MALRD1: variants seen among roughly 807,000 people sequenced by gnomAD.
MALRD1 encodes MAM and LDL receptor class A domain containing 1, also known as MAM and LDL-receptor class A domain-containing protein 1.
In MALRD1, 247 loss-of-function variants were observed where a neutral mutation model predicts 242.1. The ratio of observed to expected loss-of-function variants is 1.02; its 90% CI spans 0.92 to 1.13. The LOEUF (loss-of-function observed/expected upper bound fraction) is 1.13, where lower values mean the gene tolerates loss of function less well. Among genes scored for constraint, MALRD1 ranks in the 50% most tolerant of loss-of-function variants. MALRD1 has a pLI of 0.00. For synonymous variants in MALRD1, 995 were observed against 866.6 expected, an observed-to-expected ratio of 1.15 and a Z score of -2.60; for missense variants, 2,989 against 2,533.1, an observed-to-expected ratio of 1.18 and a Z score of -3.86.
chr10:19,281,624 A>C (rs928108027), intron 20 of MALRD1, among the ~76,000 whole-genome samples: 8 of 152,184 alleles, frequency 5.3e-5, no homozygotes, highest in Admixed American at 4.6e-4. Context: ...TAGTATGACA[A>C]ATCTGCTTGT....
intron 29 of MALRD1, among the ~76,000 whole-genome samples, chr10:19,464,531 G>A (rs973919549): frequency 3.3e-5 from 5 of 151,934 alleles, no homozygotes; most frequent in Admixed American, 1.3e-4. Flanking sequence ...AGTATTTGGG[G>A]TTTATTTATT....
At chr10:19,074,164 C>T (rs965567110) in intron 2 of MALRD1, among the ~76,000 whole-genome samples, 9 of 152,092 alleles carry the variant, frequency 5.9e-5, no homozygotes, top group African/African-American at 2.2e-4. Flanking sequence ...TGAACTGTTT[C>T]CTTGCCTTCT....
intron 31 of MALRD1, among the ~76,000 whole-genome samples, chr10:19,504,538 A>G (rs530907504): frequency 6.6e-6 from 1 of 152,076 alleles, no homozygotes; most frequent in Non-Finnish European, 1.5e-5. Flanking sequence ...TTATTCCTGG[A>G]CCCACTTTGA....
rs868405448 is a variant in MALRD1 at position 19,464,948 on chromosome 10, A to T, written c.5029+14458A>T. On this transcript the variant is annotated intron_variant, in intron 29 of 39. Coordinates refer to ENST00000454679, the MANE Select transcript of MALRD1 (RefSeq NM_001142308.3). ...ACCTCCTTGGTTAGGTATAATTCCA[A>T]TTTTTTTTTTTTTTTTTTTTGCAGC... Among the ~76,000 whole-genome samples the T allele has an allele frequency of 3.3e-4, 44 of 133,788 alleles. 1 individual carries two copies. Among genetic ancestry groups the T allele is most frequent in the African/African-American group, 1.0e-3 (36 of 34,702 alleles). 87.8% of individuals were successfully genotyped at this position (133,788 alleles called of 152,430 possible). A position where few individuals can be genotyped will look rare whatever the true frequency, so the allele number is the denominator to read the frequency against.
At chr10:19,631,149 T>G (rs933988846) in intron 36 of MALRD1, among the ~76,000 whole-genome samples, 4 of 152,134 alleles carry the variant, frequency 2.6e-5, no homozygotes, top group Admixed American at 6.6e-5. Flanking sequence ...CCTCCCAACC[T>G]GCACCTTCAA....
chr10:19,109,418 C>T (rs1836595500), intron 5 of MALRD1, among the ~76,000 whole-genome samples: 1 of 152,156 alleles, frequency 6.6e-6, no homozygotes, highest in Non-Finnish European at 1.5e-5. Flanking sequence ...ATGAGGACTG[C>T]TCTATCTCCG....
At position 19,052,003 on chromosome 10, in the gene MALRD1, A is replaced by AGTATTGTG. The variant is rs1834521445; in HGVS notation, c.199+2866_199+2867insGTATTGTG. 10 of 312,654 alleles carry AGTATTGTG rather than the reference A, an allele frequency of 3.2e-5. No homozygotes were observed. In the Admixed American group the frequency reaches 3.7e-4, roughly 11 times the overall value. 19.4% of individuals were successfully genotyped at this position (312,654 alleles called of 1,614,324 possible). A position where few individuals can be genotyped will look rare whatever the true frequency, so the allele number is the denominator to read the frequency against. Reference sequence around the variant, plus strand: ...ATAGAATGTGGACCTAAATACTCAGAAGCACCGCCCATTGTGAGATTTGTA... The same window carrying AGTATTGTG: ...ATAGAATGTGGACCTAAATACTCAGAGTATTGTGAGCACCGCCCATTGTGAGATTTGTA... On this transcript the variant is annotated intron_variant, in intron 1 of 39. Coordinates refer to ENST00000454679, the MANE Select transcript of MALRD1 (RefSeq NM_001142308.3).
intron 38 of MALRD1, among the ~76,000 whole-genome samples, chr10:19,721,066 G>A (rs1204812279): frequency 6.6e-6 from 1 of 151,616 alleles, no homozygotes; most frequent in Non-Finnish European, 1.5e-5. Flanking sequence ...TTTAGGATGA[G>A]ATGAAGTTAA....
chr10:19,543,451 T>TTTTTTTTTA (rs1554796763), intron 32 of MALRD1, among the ~76,000 whole-genome samples: 1 of 143,722 alleles, frequency 7.0e-6, no homozygotes, highest in African/African-American at 2.8e-5. Flanking sequence ...TTTTTTTTTT[T>TTTTTTTTTA]GAGAGAGAAA....
At chr10:19,566,946 CTCTT>C (rs1470166785) in intron 32 of MALRD1, among the ~76,000 whole-genome samples, 1 of 151,978 alleles carries the variant, frequency 6.6e-6, no homozygotes, top group Non-Finnish European at 1.5e-5. Flanking sequence ...TCAAAGCTAA[CTCTT>C]TCTGTTTCCT....
At chr10:19,626,561 TA>T (rs962558192) in intron 36 of MALRD1, among the ~76,000 whole-genome samples, 1 of 151,960 alleles carries the variant, frequency 6.6e-6, no homozygotes, top group African/African-American at 2.4e-5. Flanking sequence ...TTTTCACCAG[TA>T]GTAACAATAA....
intron 36 of MALRD1, among the ~76,000 whole-genome samples, chr10:19,668,134 T>C (rs1276356461): frequency 6.6e-6 from 1 of 152,084 alleles, no homozygotes; most frequent in Non-Finnish European, 1.5e-5. Flanking sequence ...AAGAAATAAA[T>C]TTAGGGAGAT....
intron 39 of MALRD1, among the ~76,000 whole-genome samples, chr10:19,732,639 A>G (rs1819320874): frequency 1.3e-5 from 2 of 152,224 alleles, no homozygotes; most frequent in African/African-American, 4.8e-5. Context: ...TAAGGAATTA[A>G]AGTGAGATCT....
upstream of MALRD1, among the ~76,000 whole-genome samples, chr10:19,047,295 G>T (rs1049541522): frequency 3.3e-5 from 5 of 152,046 alleles, no homozygotes; most frequent in Non-Finnish European, 4.4e-5. Flanking sequence ...GTAAGAGCTG[G>T]TTGGCGGTGG....
chr10:19,152,178 T>C (rs1383812123), intron 11 of MALRD1, among the ~76,000 whole-genome samples: 1 of 152,148 alleles, frequency 6.6e-6, no homozygotes, highest in East Asian at 1.9e-4. Context: ...AGAAGTAAAC[T>C]CCTTGCCATG....
intron 36 of MALRD1, among the ~76,000 whole-genome samples, chr10:19,678,937 T>C (rs1215968727): frequency 6.6e-6 from 1 of 152,222 alleles, no homozygotes; most frequent in African/African-American, 2.4e-5. Flanking sequence ...TCTTTAGTTC[T>C]GTTTATGTGA....
In MALRD1 at chr10:19,217,439, T is replaced by TA. The variant is rs547208013; in HGVS notation, c.2991+7759_2991+7760insA. On this transcript the variant is annotated intron_variant, in intron 18 of 39. Coordinates refer to ENST00000454679, the MANE Select transcript of MALRD1 (RefSeq NM_001142308.3). ...AGGTTAGTTTTTTACTTCACTTTCT[T>TA]TTCCTGAAGCTTATACTCACTGCTC... Among the ~76,000 whole-genome samples the TA allele has an allele frequency of 2.7e-3, 418 of 152,268 alleles. 1 individual carries two copies. Among genetic ancestry groups the TA allele is most frequent in the African/African-American group, 9.8e-3 (406 of 41,556 alleles).
At chr10:19,128,196 G>A (rs1253101491) in intron 7 of MALRD1, 25 bp from the exon 8 acceptor site, 2 of 1,230,776 alleles carry the variant, frequency 1.6e-6, no homozygotes, top group Non-Finnish European at 1.0e-6. Context: ...TTCCTAAATT[G>A]CTTCTTTTTT....
At chr10:19,251,412 C>G (rs1275757387) in intron 18 of MALRD1, among the ~76,000 whole-genome samples, 1 of 151,956 alleles carries the variant, frequency 6.6e-6, no homozygotes, top group Non-Finnish European at 1.5e-5. Flanking sequence ...GCAGCCTATT[C>G]CAGCTAGAGT....
Sources: allele counts gnomAD v4.1 joint callset (sites outside exome capture counted in the v4.1 genomes callset), GRCh38; gene constraint gnomAD v4.1.1; transcripts MANE v1.5; gene names NCBI Gene and HGNC (gene_info 2026-07-23, HGNC 2026-07-21).